The following RGS6 variants were observed in gnomAD, a reference collection of about 807,000 sequenced individuals.
RGS6 encodes the protein regulator of G-protein signaling 6.
Under a neutral mutation model 78.5 loss-of-function variants are expected in RGS6, and 30 were observed. The observed-to-expected ratio is 0.38, with a 90% CI of 0.29 to 0.52. The LOEUF (loss-of-function observed/expected upper bound fraction) is 0.52. Among genes scored for constraint, RGS6 ranks in the 20% least tolerant of loss-of-function variants. The pLI, the probability that RGS6 is intolerant of heterozygous loss-of-function variation, is 0.85. For synonymous variants in RGS6, 206 were observed against 206.0 expected, an observed-to-expected ratio of 1.00 and a Z score of 0.00; for missense variants, 495 against 609.7, an observed-to-expected ratio of 0.81 and a Z score of 1.98.
intron 2 of RGS6, among the ~76,000 whole-genome samples, chr14:72,150,733 G>A (rs1458768989): frequency 6.6e-6 from 1 of 152,004 alleles, no homozygotes; most frequent in Non-Finnish European, 1.5e-5. Context: ...CAGCAAGGGG[G>A]AAATCCACCC....
intron 2 of RGS6, among the ~76,000 whole-genome samples, chr14:72,277,393 C>T (rs988219792): frequency 4.0e-5 from 6 of 151,364 alleles, no homozygotes; most frequent in Admixed American, 2.0e-4. Context: ...GTCAGGAGAT[C>T]GAGACCATCC....
At chr14:72,559,485 G>T (rs1269080499) in intron 17 of RGS6, among the ~76,000 whole-genome samples, 1 of 152,244 alleles carries the variant, frequency 6.6e-6, no homozygotes, top group East Asian at 1.9e-4. Context: ...TCACTGGGTA[G>T]CGAGTAGATT....
intron 2 of RGS6, among the ~76,000 whole-genome samples, chr14:72,168,920 C>T (rs1442662925): frequency 6.6e-6 from 1 of 152,202 alleles, no homozygotes; most frequent in Non-Finnish European, 1.5e-5. Context: ...TCTGTCATGG[C>T]TAAATGACTC....
chr14:72,390,550 A>G (rs1359647721), intron 3 of RGS6, among the ~76,000 whole-genome samples: 1 of 152,162 alleles, frequency 6.6e-6, no homozygotes, highest in Non-Finnish European at 1.5e-5. Flanking sequence ...GTAAATTTTA[A>G]TTCTCATGTG....
chr14:72,422,897 A>G (rs1375613009), intron 3 of RGS6, among the ~76,000 whole-genome samples: 2 of 152,240 alleles, frequency 1.3e-5, no homozygotes, highest in Non-Finnish European at 2.9e-5. Context: ...CAGAGCCAGG[A>G]GAGGGCATGG....
chr14:72,553,858 C>A (rs2097537642), intron 17 of RGS6, among the ~76,000 whole-genome samples: 1 of 152,212 alleles, frequency 6.6e-6, no homozygotes, highest in Admixed American at 6.5e-5. Context: ...ACACACTACA[C>A]CATCAGGGGA....
At chr14:71,921,905 A>G in the RGS6 span, among the ~76,000 whole-genome samples, 4 of 152,202 alleles carry the variant, frequency 2.6e-5, no homozygotes, top group Non-Finnish European at 5.9e-5. Flanking sequence ...TGTGTAGTTT[A>G]ACACATAGCT....
At chr14:72,230,659 G>T (rs1170286223) in intron 2 of RGS6, among the ~76,000 whole-genome samples, 2 of 152,152 alleles carry the variant, frequency 1.3e-5, no homozygotes. Flanking sequence ...TCTAGGACAG[G>T]ACTGCAGGCT....
At chr14:71,971,851 A>C (rs74060434) in intron 2 of RGS6, among the ~76,000 whole-genome samples, 15 of 148,744 alleles carry the variant, frequency 1.0e-4, no homozygotes, top group African/African-American at 3.7e-4. Context: ...GCCAGAGGCC[A>C]TTCTTAGTTA....
intron 2 of RGS6, among the ~76,000 whole-genome samples, chr14:71,997,837 G>GT (rs2082689737): frequency 6.6e-6 from 1 of 152,272 alleles, no homozygotes; most frequent in Admixed American, 6.5e-5. Context: ...ATTTGGCTCT[G>GT]TATCAGTTAG....
At chr14:72,586,315 A>T in the RGS6 span, among the ~76,000 whole-genome samples, 10 of 152,286 alleles carry the variant, frequency 6.6e-5, no homozygotes, top group African/African-American at 2.4e-4. Flanking sequence ...GCTTGTTACC[A>T]TTCCCACGGG....
chr14:72,276,424 A>G (rs2060678659), intron 2 of RGS6, among the ~76,000 whole-genome samples: 1 of 152,216 alleles, frequency 6.6e-6, no homozygotes, highest in Non-Finnish European at 1.5e-5. Context: ...ATAGATTGAT[A>G]TATATATCTG....
At chr14:72,006,846 G>A (rs1163928855) in intron 2 of RGS6, among the ~76,000 whole-genome samples, 1 of 152,212 alleles carries the variant, frequency 6.6e-6, no homozygotes, top group South Asian at 2.1e-4. Flanking sequence ...GACTTTGAAC[G>A]AGGCAGCGGG....
At chr14:72,461,353 TA>T (rs767598574) in intron 6 of RGS6, among the ~76,000 whole-genome samples, 11 of 152,346 alleles carry the variant, frequency 7.2e-5, no homozygotes, top group Non-Finnish European at 1.3e-4. Context: ...TGCTGCATAC[TA>T]AAGGGCATCA....
the RGS6 span, among the ~76,000 whole-genome samples, chr14:72,608,510 C>T: frequency 1.3e-5 from 2 of 152,146 alleles, no homozygotes; most frequent in African/African-American, 4.8e-5. Context: ...ATGGGTCCTG[C>T]ACCAGAGGTC....
chr14:72,040,647 C>G (rs1013732024), intron 2 of RGS6, among the ~76,000 whole-genome samples: 11 of 152,146 alleles, frequency 7.2e-5, no homozygotes, highest in Non-Finnish European at 1.6e-4. Context: ...TTTAGATGTT[C>G]TTTTTCCCCC....
intron 2 of RGS6, among the ~76,000 whole-genome samples, chr14:72,048,091 G>A (rs902140057): frequency 6.6e-6 from 1 of 151,942 alleles, no homozygotes; most frequent in Admixed American, 6.6e-5. Flanking sequence ...CAGGCAAAGT[G>A]AACGGAACAA....
intron 2 of RGS6, among the ~76,000 whole-genome samples, chr14:72,301,731 C>A (rs1198028035): frequency 6.6e-6 from 1 of 152,168 alleles, no homozygotes; most frequent in East Asian, 1.9e-4. Flanking sequence ...ATGTTGTTGG[C>A]TGACAAGCTT....
intron 2 of RGS6, among the ~76,000 whole-genome samples, chr14:72,109,001 G>C (rs923001199): frequency 6.6e-6 from 1 of 152,056 alleles, no homozygotes; most frequent in African/African-American, 2.4e-5. Context: ...TTTAGAAAGA[G>C]ACTTTGTTCA....
Sources: gnomAD v4.1 joint callset for allele counts (sites outside exome capture counted in the v4.1 genomes callset) on GRCh38, gnomAD v4.1.1 for gene constraint, MANE v1.5 for transcripts, NCBI Gene and HGNC (gene_info 2026-07-23, HGNC 2026-07-21) for gene names.